INPP4B: variants seen among roughly 807,000 people sequenced by gnomAD.
INPP4B encodes the protein inositol polyphosphate 4-phosphatase type II.
In INPP4B, 55 loss-of-function variants were observed where a neutral mutation model predicts 122.5. The ratio of observed to expected loss-of-function variants is 0.45; its 90% CI spans 0.36 to 0.56. The LOEUF (loss-of-function observed/expected upper bound fraction) is 0.56. Ranked by LOEUF, INPP4B falls within the 20% of genes least tolerant of loss-of-function variation. The pLI, the probability that INPP4B is intolerant of heterozygous loss-of-function variation, is 0.00. For synonymous variants in INPP4B, 403 were observed against 388.7 expected, an observed-to-expected ratio of 1.04 and a Z score of -0.43; for missense variants, 1,000 against 1,097.7, an observed-to-expected ratio of 0.91 and a Z score of 1.26.
chr4:142,303,942 G>T (rs1762433727), intron 9 of INPP4B, among the ~76,000 whole-genome samples: 1 of 152,032 alleles, frequency 6.6e-6, no homozygotes. Flanking sequence ...ATTTTACTAA[G>T]AACTGCTTGT....
intron 1 of INPP4B, among the ~76,000 whole-genome samples, chr4:142,831,208 A>G (rs1021378046): frequency 6.6e-6 from 1 of 152,154 alleles, no homozygotes; most frequent in African/African-American, 2.4e-5. Flanking sequence ...ACTAAATTCC[A>G]AAGAAATGGA....
At chr4:142,537,400 G>GTATATATATATATATATATATATATA (rs34425745) in intron 2 of INPP4B, among the ~76,000 whole-genome samples, 3 of 32,988 alleles carry the variant, frequency 9.1e-5, no homozygotes, top group African/African-American at 2.0e-4. Context: ...TTTACATACA[G>GTATATATATATATATATATATATATA]TATATATATA....
rs1323183579 is a variant in INPP4B at position 142,291,976 on chromosome 4, C to A, written c.503+13482G>T. On this transcript the variant is annotated intron_variant, in intron 9 of 25. Transcript: ENST00000262992. Reference sequence around the variant, plus strand: ...AATATTTGTTTTTAACATTCCCTCTCCCTGGATCTTTCATATATTATATGT... The same window carrying A: ...AATATTTGTTTTTAACATTCCCTCTACCTGGATCTTTCATATATTATATGT... Among the ~76,000 whole-genome samples, 5 of 152,072 alleles carry A rather than the reference C, an allele frequency of 3.3e-5. No individual in the cohort carries two copies. The East Asian group carries it at 9.7e-4, about 29-fold the overall frequency.
chr4:142,299,397 C>T (rs1054355337), intron 9 of INPP4B, among the ~76,000 whole-genome samples: 4 of 151,972 alleles, frequency 2.6e-5, no homozygotes, highest in Non-Finnish European at 5.9e-5. Flanking sequence ...TAAAGGGATC[C>T]TCTTGCCTCG....
intron 2 of INPP4B, among the ~76,000 whole-genome samples, chr4:142,630,861 A>G (rs1470222855): frequency 6.6e-6 from 1 of 152,086 alleles, no homozygotes; most frequent in Non-Finnish European, 1.5e-5. Context: ...CTTAGAAGTA[A>G]TGTTGAATTA....
At chr4:142,576,305 G>A (rs1733832655) in intron 2 of INPP4B, among the ~76,000 whole-genome samples, 1 of 151,824 alleles carries the variant, frequency 6.6e-6, no homozygotes, top group Non-Finnish European at 1.5e-5. Flanking sequence ...TGTCTACTAA[G>A]CCCAAAGTAC....
intron 7 of INPP4B, among the ~76,000 whole-genome samples, chr4:142,345,621 G>A (rs970165450): frequency 6.6e-6 from 1 of 152,014 alleles, no homozygotes; most frequent in Non-Finnish European, 1.5e-5. Context: ...ATTAATTAGA[G>A]AGCGTAGTAT....
At chr4:142,775,368 C>A (rs1482722660) in intron 1 of INPP4B, among the ~76,000 whole-genome samples, 1 of 152,154 alleles carries the variant, frequency 6.6e-6, no homozygotes, top group Non-Finnish European at 1.5e-5. Context: ...ATTTAGAATT[C>A]ATTTGCATCA....
Position 142,025,686 on chromosome 4 carries a change from T to A in INPP4B, c.*3096A>T, listed in dbSNP as rs1385042200. On this transcript the variant is annotated 3_prime_UTR_variant, in exon 26 of 26. Coordinates refer to ENST00000262992, the MANE Select transcript of INPP4B (RefSeq NM_001101669.3). ...ATAGCTGAAGGATAAAAAGGAAGTA[T>A]CCTCCATCCAAATGCTAGCTTTTAA... is the stretch of plus-strand genomic sequence containing the variant. The A allele has an allele frequency of 6.6e-6, 1 of 152,150 alleles. No homozygotes were observed. Among genetic ancestry groups the A allele is most frequent in the African/African-American group, 2.4e-5 (1 of 41,438 alleles). 9.4% of individuals were successfully genotyped at this position (152,150 alleles called of 1,614,324 possible). A position where few individuals can be genotyped will look rare whatever the true frequency, so the allele number is the denominator to read the frequency against.
chr4:142,206,226 C>G (rs1842528820), intron 14 of INPP4B, among the ~76,000 whole-genome samples: 1 of 152,010 alleles, frequency 6.6e-6, no homozygotes, highest in Admixed American at 6.6e-5. Context: ...GATCCAAATG[C>G]CTCCCCTTAG....
chr4:142,552,686 T>A (rs948228634), intron 2 of INPP4B, among the ~76,000 whole-genome samples: 13 of 152,190 alleles, frequency 8.5e-5, no homozygotes, highest in African/African-American at 3.1e-4. Flanking sequence ...TTGCTACCAT[T>A]TAATATTTAC....
intron 25 of INPP4B, among the ~76,000 whole-genome samples, chr4:142,047,135 T>G (rs866509207): frequency 3.3e-5 from 5 of 152,170 alleles, no homozygotes; most frequent in African/African-American, 1.2e-4. Context: ...GTGTTGTTTG[T>G]CAAGAAGATG....
chr4:142,201,411 T>A (rs540143519), intron 14 of INPP4B, among the ~76,000 whole-genome samples: 4 of 152,228 alleles, frequency 2.6e-5, no homozygotes, highest in African/African-American at 9.6e-5. Context: ...TCTTAGGTAA[T>A]CTTCTTAATA....
At chr4:142,067,852 T>G (rs1764504797) in intron 25 of INPP4B, among the ~76,000 whole-genome samples, 2 of 152,188 alleles carry the variant, frequency 1.3e-5, no homozygotes, top group Non-Finnish European at 2.9e-5. Context: ...AATCTATGTC[T>G]GATTGGTGTA....
intron 2 of INPP4B, among the ~76,000 whole-genome samples, chr4:142,607,529 C>A (rs1440608549): frequency 6.6e-6 from 1 of 152,078 alleles, no homozygotes. Context: ...ACCTCTTGGT[C>A]TCTAGAGAAT....
chr4:142,544,554 A>G (rs984607356), intron 2 of INPP4B, among the ~76,000 whole-genome samples: 5 of 152,180 alleles, frequency 3.3e-5, no homozygotes, highest in African/African-American at 9.7e-5. Context: ...AATATTTTCT[A>G]GAACAGAAAG....
At chr4:142,689,731 C>G (rs1759889219) in intron 2 of INPP4B, among the ~76,000 whole-genome samples, 1 of 152,154 alleles carries the variant, frequency 6.6e-6, no homozygotes, top group Admixed American at 6.6e-5. Flanking sequence ...ACTTCCTTTT[C>G]TAAAGCATTA....
intron 1 of INPP4B, among the ~76,000 whole-genome samples, chr4:142,729,863 C>A (rs1396693784): frequency 2.6e-5 from 4 of 152,130 alleles, no homozygotes; most frequent in Non-Finnish European, 5.9e-5. Context: ...ATCTAACAAC[C>A]CCTGAAAAAT....
intron 17 of INPP4B, among the ~76,000 whole-genome samples, chr4:142,152,159 C>T (rs141784116): frequency 0.071 from 10,572 of 149,194 alleles, 391 homozygotes; most frequent in Middle Eastern, 0.083. Context: ...CTGCAAGCTC[C>T]GCCTCCCGGG....
Sources: gnomAD v4.1 joint callset for allele counts (sites outside exome capture counted in the v4.1 genomes callset) on GRCh38, gnomAD v4.1.1 for gene constraint, MANE v1.5 for transcripts, NCBI Gene and HGNC (gene_info 2026-07-23, HGNC 2026-07-21) for gene names.